PCDHGA11: variants seen among roughly 807,000 people sequenced by gnomAD.
PCDHGA11 encodes the protein protocadherin gamma-A11.
In PCDHGA11, 39 loss-of-function variants were observed where a neutral mutation model predicts 60.4. The ratio of observed to expected loss-of-function variants is 0.65; its 90% CI spans 0.50 to 0.84. PCDHGA11 has a LOEUF of 0.84. PCDHGA11 is among the 40% of genes least tolerant of loss of function. The probability of loss-of-function intolerance (pLI) is 0.00; values close to 1 mark genes in which losing one functional copy is unlikely to be tolerated. For synonymous variants in PCDHGA11, 533 were observed against 510.3 expected (o/e 1.04, Z -0.60); for missense variants, 1,165 against 1,197.7 (o/e 0.97, Z 0.40).
chr5:141,453,609 G>A (rs1208329212), intron 1 of PCDHGA11, among the ~76,000 whole-genome samples: 3 of 151,900 alleles, frequency 2.0e-5, no homozygotes, highest in South Asian at 4.2e-4. Context: ...TTTGCAAAAC[G>A]CAAAAACAAA....
intron 1 of PCDHGA11, chr5:141,478,342 G>T (rs1489278202): frequency 6.2e-7 from 1 of 1,613,862 alleles, no homozygotes; most frequent in Non-Finnish European, 8.5e-7. Flanking sequence ...GGCCCTCCTT[G>T]CACGCGGACG....
Position 141,431,535 on chromosome 5 carries a change from C to T in PCDHGA11, c.2433+7875C>T. On this transcript the variant is annotated intron_variant, in intron 1 of 3. Coordinates refer to ENST00000398587, the MANE Select transcript of PCDHGA11 (RefSeq NM_018914.3). This position sits in a 1 kb window ranked among gnomAD's most constrained non-coding sequence, Gnocchi z 4.8. ...GTTCCGGAGAATCTGGCCTTGGGCA[C>T]GCAGCTGCTTGTAGTCAACGCTACC... is the stretch of plus-strand genomic sequence containing the variant. 3 of 1,614,076 alleles carry T rather than the reference C, an allele frequency of 1.9e-6. No individual in the cohort carries two copies. Among genetic ancestry groups the T allele is most frequent in the Non-Finnish European group, 2.5e-6 (3 of 1,180,038 alleles).
At position 141,511,130 on chromosome 5, in the gene PCDHGA11, G is replaced by A. The variant is rs777082914; in HGVS notation, c.2765G>A (p.Gly922Asp). ...GKRDGKAPAG[G>D]NGNKKKSGKK... ...CGGGATGGCAAGGCCCCAGCAGGTG[G>A]CAATGGCAACAAGAAGAAGTCGGGC... The change falls in exon 4 of 4, where the codon GGC (glycine) becomes GAC (aspartate). Residue 922 changes from glycine (G) to aspartate (D), a missense_variant. Coordinates refer to ENST00000398587, the MANE Select transcript of PCDHGA11 (RefSeq NM_018914.3). 6.2e-7 allele frequency: 1 copy of A among 1,614,210 alleles called. No homozygotes were observed. The highest frequency in any genetic ancestry group is 1.1e-5 in the South Asian group (1 of 91,090).
chr5:141,431,004 G>A lies in PCDHGA11; in HGVS notation c.2433+7344G>A, dbSNP rs569594120. The A allele has an allele frequency of 6.2e-7, 1 of 1,614,048 alleles. No homozygotes were observed. The highest frequency in any genetic ancestry group is 1.1e-5 in the South Asian group (1 of 91,074). On this transcript the variant is annotated intron_variant, in intron 1 of 3. Coordinates refer to ENST00000398587, the MANE Select transcript of PCDHGA11 (RefSeq NM_018914.3). The surrounding 1 kb of genome is among the most constrained non-coding windows in gnomAD (Gnocchi z 4.8). ...CTTTTCGCCCTGAATCCGCGCAGCG[G>A]CAGCTTGGTCACGGCGGGCAGGATA... is the stretch of plus-strand genomic sequence containing the variant.
rs1348847945 is a variant in PCDHGA11, at chr5:141,493,426, C to G, written c.2434-1381C>G. ...TGCCTCTGCTGGGATTTTGCTTCTG[C>G]TGGGATGGGGCAAGGGTGGGGTTCC... On this transcript the variant is annotated intron_variant, in intron 1 of 3. Transcript: ENST00000398587. The surrounding 1 kb of genome is among the most constrained non-coding windows in gnomAD (Gnocchi z 4.3). Among the ~76,000 whole-genome samples, 2 of 152,144 alleles carry G rather than the reference C, an allele frequency of 1.3e-5. No homozygotes were observed. The highest frequency in any genetic ancestry group is 4.8e-5 in the African/African-American group (2 of 41,424).
chr5:141,474,962 A>G (rs954703806), intron 1 of PCDHGA11, among the ~76,000 whole-genome samples: 3 of 152,256 alleles, frequency 2.0e-5, no homozygotes, highest in Non-Finnish European at 4.4e-5. Flanking sequence ...CACTATCCTA[A>G]TCATTATAAT....
Position 141,485,432 on chromosome 5 carries a change from A to C in PCDHGA11, c.2434-9375A>C. The C allele has an allele frequency of 6.2e-7, 1 of 1,614,178 alleles. No individual in the cohort carries two copies. Among genetic ancestry groups the C allele is most frequent in the Non-Finnish European group, 8.5e-7 (1 of 1,180,028 alleles). ...TTTGGACAGCGGAGCCCTGCTCATC[A>C]AGAACCCAATCGACCGAGAGGCACT... On this transcript the variant is annotated intron_variant, in intron 1 of 3. Transcript: ENST00000398587. The surrounding 1 kb of genome is among the most constrained non-coding windows in gnomAD (Gnocchi z 5.7).
chr5:141,476,661 T>G lies in PCDHGA11; in HGVS notation c.2434-18146T>G. 1.2e-6 allele frequency: 2 copies of G among 1,614,076 alleles called. No individual in the cohort carries two copies. The highest frequency in any genetic ancestry group is 1.7e-6 in the Non-Finnish European group (2 of 1,179,938). On this transcript the variant is annotated intron_variant, in intron 1 of 3. Coordinates refer to ENST00000398587, the MANE Select transcript of PCDHGA11 (RefSeq NM_018914.3). The surrounding 1 kb of genome is among the most constrained non-coding windows in gnomAD (Gnocchi z 7.6). Reference sequence around the variant, plus strand: ...CTGAGCCGAAATGAATACTTTGCGCTTCGCGTGCAGACGCGGGAGGACAGC... The same window carrying G: ...CTGAGCCGAAATGAATACTTTGCGCGTCGCGTGCAGACGCGGGAGGACAGC...
At chr5:141,463,741 C>T (rs1011021860) in intron 1 of PCDHGA11, among the ~76,000 whole-genome samples, 3 of 152,034 alleles carry the variant, frequency 2.0e-5, no homozygotes, top group Admixed American at 1.3e-4. Context: ...CCACCGCGCC[C>T]GGCCTGCTTC....
chr5:141,423,632 T>G lies in PCDHGA11; in HGVS notation c.2405T>G (p.Leu802Ter). Residue 802 changes from leucine (L) to a stop codon, truncating the protein, a stop_gained, in exon 1 of 4, where the codon TTA becomes TGA. Transcript: ENST00000398587. LOFTEE classifies it high-confidence loss of function. ...LLIAEDSAIILGKCDPTSNQQ... is the reference protein window; with the variant it reads ...LLIAEDSAII ...ATAGCTGAAGACTCAGCTATCATTT[T>G]AGGCAAATGTGACCCGACAAGTAAT... 1 of 1,602,602 alleles carries G rather than the reference T, an allele frequency of 6.2e-7. No individual in the cohort carries two copies. Among genetic ancestry groups the G allele is most frequent in the Non-Finnish European group, 8.5e-7 (1 of 1,174,578 alleles).
chr5:141,501,664 TATAG>T (rs1161034391), intron 2 of PCDHGA11, among the ~76,000 whole-genome samples: 1 of 152,064 alleles, frequency 6.6e-6, no homozygotes, highest in East Asian at 1.9e-4. Flanking sequence ...TGTTGGAAAA[TATAG>T]ATAATCACAA....
In PCDHGA11 at chr5:141,421,419, A is replaced by T. The variant is rs778839137; in HGVS notation, c.192A>T (p.Gly64=). ...AGCCCCGGGAGCTGGCGAAGCGCGGAGTCCGCATCGTCTCCAGAGGGAAGA... is the reference window on the plus strand; with the variant it reads ...AGCCCCGGGAGCTGGCGAAGCGCGGTGTCCGCATCGTCTCCAGAGGGAAGA... ...GLEPRELAKR[G]VRIVSRGKTQ... Residue 64 remains glycine, a synonymous_variant, in exon 1 of 4, where the codon GGA becomes GGT. Coordinates refer to ENST00000398587, the MANE Select transcript of PCDHGA11 (RefSeq NM_018914.3). The T allele has an allele frequency of 1.2e-6, 2 of 1,614,072 alleles. No homozygotes were observed. Among genetic ancestry groups the T allele is most frequent in the Non-Finnish European group, 1.7e-6 (2 of 1,179,912 alleles).
intron 2 of PCDHGA11, 164 bp downstream of exon 2, chr5:141,495,029 G>A: frequency 2.1e-6 from 2 of 968,864 alleles, no homozygotes; most frequent in Non-Finnish European, 2.5e-6. Flanking sequence ...ACAGACCCCG[G>A]AAGGAAGAGG....
At position 141,422,226 on chromosome 5, in the gene PCDHGA11, G is replaced by A. The variant is rs766346054; in HGVS notation, c.999G>A (p.Thr333=). 1 of 1,565,844 alleles carries A rather than the reference G, an allele frequency of 6.4e-7. No individual in the cohort carries two copies. The highest frequency in any genetic ancestry group is 2.2e-5 in the East Asian group (1 of 44,664). The stretch of plus-strand genomic sequence containing the variant: ...GTGGAGGTCTCTTTACCACCACGAC[G>A]ATGTTGATCACTGTTGTGGATGTGA... ...QDGGGLFTTT[T]MLITVVDVND... Residue 333 remains threonine, a synonymous_variant, in exon 1 of 4, where the codon ACG becomes ACA. Coordinates refer to ENST00000398587, the MANE Select transcript of PCDHGA11 (RefSeq NM_018914.3).
chr5:141,491,503 G>C lies in PCDHGA11; in HGVS notation c.2434-3304G>C. On this transcript the variant is annotated intron_variant, in intron 1 of 3. Coordinates refer to ENST00000398587, the MANE Select transcript of PCDHGA11 (RefSeq NM_018914.3). The surrounding 1 kb of genome is among the most constrained non-coding windows in gnomAD (Gnocchi z 6.9). ...CCCCAACCTGCAGGTGAGCTCGGACGGCACGCTCAAGTACATGGAGGTGAC... is the reference window on the plus strand; with the variant it reads ...CCCCAACCTGCAGGTGAGCTCGGACCGCACGCTCAAGTACATGGAGGTGAC... The C allele has an allele frequency of 6.2e-7, 1 of 1,614,030 alleles. No homozygotes were observed.
chr5:141,437,223 C>G (rs555637738), intron 1 of PCDHGA11, among the ~76,000 whole-genome samples: 1 of 152,198 alleles, frequency 6.6e-6, no homozygotes, highest in Admixed American at 6.5e-5. Context: ...TGATTCCAGT[C>G]ATAAAATTAT....
chr5:141,470,627 G>A (rs977900352), intron 1 of PCDHGA11, among the ~76,000 whole-genome samples: 3 of 152,154 alleles, frequency 2.0e-5, no homozygotes, highest in Non-Finnish European at 2.9e-5. Flanking sequence ...TGCTTAGATA[G>A]GCCCCCTTGC....
At chr5:141,503,743 G>C (rs1465272424) in intron 2 of PCDHGA11, among the ~76,000 whole-genome samples, 1 of 152,126 alleles carries the variant, frequency 6.6e-6, no homozygotes, top group Non-Finnish European at 1.5e-5. Context: ...TGATGGTATA[G>C]AGGTCACACA....
intron 1 of PCDHGA11, among the ~76,000 whole-genome samples, chr5:141,473,915 A>G (rs1366378437): frequency 3.3e-5 from 5 of 152,162 alleles, no homozygotes; most frequent in Non-Finnish European, 5.9e-5. Flanking sequence ...GTCTTAAGAA[A>G]ACTATGAGCT....
Sources: gnomAD v4.1 joint callset for allele counts (sites outside exome capture counted in the v4.1 genomes callset) on GRCh38, gnomAD v4.1.1 for gene constraint, Gnocchi (gnomAD v3.1) non-coding constraint, MANE v1.5 for transcripts, NCBI Gene and HGNC (gene_info 2026-07-23, HGNC 2026-07-21) for gene names.